NRXN1: variants seen among roughly 807,000 people sequenced by gnomAD.
NRXN1 encodes the protein neurexin-1.
Under a neutral mutation model 150.9 loss-of-function variants are expected in NRXN1, and 39 were observed. The ratio of observed to expected loss-of-function variants is 0.26; its 90% confidence interval spans 0.20 to 0.34. NRXN1 has a LOEUF of 0.34. Among genes scored for constraint, NRXN1 ranks in the 10% least tolerant of loss-of-function variants. NRXN1 has a pLI of 1.00. For synonymous variants in NRXN1, 924 were observed against 757.0 expected, an observed-to-expected ratio of 1.22 and a Z score of -3.62; for missense variants, 1,815 against 1,949.9, an observed-to-expected ratio of 0.93 and a Z score of 1.30.
chr2:50,569,882 T>C (rs1670405705), intron 8 of NRXN1, among the ~76,000 whole-genome samples: 1 of 152,138 alleles, frequency 6.6e-6, no homozygotes, highest in Admixed American at 6.6e-5. Context: ...CCACATTAAG[T>C]AGCATTATAA....
chr2:50,030,308 A>G (rs1418596375), intron 21 of NRXN1, among the ~76,000 whole-genome samples: 3 of 152,056 alleles, frequency 2.0e-5, no homozygotes, highest in Non-Finnish European at 4.4e-5. Context: ...GGCCAGTTCT[A>G]TGATCTAGGG....
At chr2:50,220,860 C>T (rs2063829484) in intron 18 of NRXN1, among the ~76,000 whole-genome samples, 1 of 151,972 alleles carries the variant, frequency 6.6e-6, no homozygotes, top group Non-Finnish European at 1.5e-5. Flanking sequence ...TCCCCTAAGC[C>T]ACTCTGCTGA....
chr2:50,441,689 G>A (rs940635523), intron 17 of NRXN1, among the ~76,000 whole-genome samples: 4 of 152,084 alleles, frequency 2.6e-5, no homozygotes, highest in African/African-American at 9.7e-5. Context: ...TATTTTAAGT[G>A]TAGTCATAAA....
chr2:50,248,244 G>C (rs1431141621), intron 17 of NRXN1, among the ~76,000 whole-genome samples: 1 of 152,042 alleles, frequency 6.6e-6, no homozygotes, highest in Non-Finnish European at 1.5e-5. Context: ...CAAACTTCTG[G>C]CCTCAATAGA....
At chr2:50,652,533 T>C (rs1355461712) in intron 5 of NRXN1, among the ~76,000 whole-genome samples, 2 of 152,108 alleles carry the variant, frequency 1.3e-5, no homozygotes, top group East Asian at 3.9e-4. Flanking sequence ...GCATATAGCA[T>C]GTGGAACACA....
chr2:50,454,977 G>A (rs2087396261), intron 17 of NRXN1, among the ~76,000 whole-genome samples: 1 of 152,090 alleles, frequency 6.6e-6, no homozygotes, highest in South Asian at 2.1e-4. Flanking sequence ...CAGAGCGGAA[G>A]GAGGGAAGGA....
intron 5 of NRXN1, among the ~76,000 whole-genome samples, chr2:50,916,635 T>C (rs1685253193): frequency 6.6e-6 from 1 of 151,686 alleles, no homozygotes; most frequent in African/African-American, 2.4e-5. Flanking sequence ...TTTCTATTCA[T>C]ACCACCTCAT....
At chr2:50,863,730 G>A (rs750113682) in intron 5 of NRXN1, among the ~76,000 whole-genome samples, 1 of 151,886 alleles carries the variant, frequency 6.6e-6, no homozygotes, top group African/African-American at 2.4e-5. Context: ...CAAATGAATG[G>A]CATTGAGTTG....
At chr2:50,408,533 C>G (rs1378773009) in intron 17 of NRXN1, among the ~76,000 whole-genome samples, 1 of 152,118 alleles carries the variant, frequency 6.6e-6, no homozygotes, top group South Asian at 2.1e-4. Context: ...TTACTTGGTG[C>G]TTTTAAAATA....
intron 2 of NRXN1, among the ~76,000 whole-genome samples, chr2:51,022,540 T>C (rs1202546103): frequency 6.6e-6 from 1 of 152,144 alleles, no homozygotes; most frequent in Non-Finnish European, 1.5e-5. Flanking sequence ...AATAAACAGA[T>C]GCCTTTCACT....
At chr2:50,675,985 A>G (rs1035962723) in intron 5 of NRXN1, among the ~76,000 whole-genome samples, 13 of 152,112 alleles carry the variant, frequency 8.5e-5, no homozygotes, top group African/African-American at 3.1e-4. Flanking sequence ...TCCTGTTGCA[A>G]TTTGACTCAT....
chr2:50,606,729 C>T (rs1224954540), intron 8 of NRXN1, among the ~76,000 whole-genome samples: 1 of 151,666 alleles, frequency 6.6e-6, no homozygotes, highest in Non-Finnish European at 1.5e-5. Context: ...TCAGTTCTTC[C>T]CTCTCAGTAA....
At chr2:50,624,654 C>G (rs561871799) in intron 5 of NRXN1, among the ~76,000 whole-genome samples, 1 of 151,938 alleles carries the variant, frequency 6.6e-6, no homozygotes, top group Non-Finnish European at 1.5e-5. Flanking sequence ...GATAGAAAGT[C>G]TAATGGAGTC....
At chr2:50,719,686 AAAC>A (rs201052080) in intron 5 of NRXN1, among the ~76,000 whole-genome samples, 1,878 of 152,210 alleles carry the variant, frequency 0.012, 45 homozygotes, top group African/African-American at 0.043. Context: ...AAAAAAACAA[AAAC>A]AACAACAACA....
chr2:50,793,081 G>A (rs1706289213), intron 5 of NRXN1, among the ~76,000 whole-genome samples: 1 of 152,064 alleles, frequency 6.6e-6, no homozygotes, highest in South Asian at 2.1e-4. Context: ...TTTCCACCGA[G>A]TGTAAGTAAT....
chr2:50,161,996 G>T (rs946903045), intron 18 of NRXN1, among the ~76,000 whole-genome samples: 1 of 152,114 alleles, frequency 6.6e-6, no homozygotes, highest in Non-Finnish European at 1.5e-5. Context: ...TGTAGCGAAA[G>T]AGTATCTCAA....
intron 5 of NRXN1, among the ~76,000 whole-genome samples, chr2:50,770,822 C>T (rs749950535): frequency 2.0e-5 from 3 of 151,910 alleles, no homozygotes; most frequent in Non-Finnish European, 4.4e-5. Flanking sequence ...TTAAATTTTG[C>T]CATAGATGCT....
At chr2:50,957,519 G>T (rs1270530313) in intron 2 of NRXN1, among the ~76,000 whole-genome samples, 2 of 152,086 alleles carry the variant, frequency 1.3e-5, no homozygotes, top group Non-Finnish European at 2.9e-5. Context: ...ACCCAGCACA[G>T]AATGCCAATA....
intron 15 of NRXN1, among the ~76,000 whole-genome samples, chr2:50,480,793 T>A (rs149800884): frequency 8.1e-4 from 124 of 152,286 alleles, no homozygotes; most frequent in African/African-American, 2.9e-3. Flanking sequence ...AAAATGACTT[T>A]GAGTTTCACA....
Sources: gnomAD v4.1 joint callset for allele counts (sites outside exome capture counted in the v4.1 genomes callset) on GRCh38, gnomAD v4.1.1 for gene constraint, MANE v1.5 for transcripts, NCBI Gene and HGNC (gene_info 2026-07-23, HGNC 2026-07-21) for gene names.